Variants in UBA2 observed in about 807,000 individuals in gnomAD.
UBA2 encodes ubiquitin like modifier activating enzyme 2.
In UBA2, 11 loss-of-function variants were observed where a neutral mutation model predicts 77.2. The ratio of observed to expected loss-of-function variants is 0.14; its 90% CI spans 0.09 to 0.24. The LOEUF is 0.24. UBA2 is among the 10% of genes least tolerant of loss of function. The pLI, the probability that UBA2 is intolerant of heterozygous loss-of-function variation, is 1.00. For synonymous variants in UBA2, 278 were observed against 276.7 expected (o/e 1.00, Z -0.05); for missense variants, 487 against 781.7 (o/e 0.62, Z 4.50).
chr19:34,454,610 T>A, intron 12 of UBA2, 54 bp downstream of exon 12: 1 of 886,988 alleles, frequency 1.1e-6, no homozygotes, highest in Non-Finnish European at 1.7e-6. Context: ...AATCATTAAT[T>A]AAAAGTACAT....
intron 12 of UBA2, among the ~76,000 whole-genome samples, chr19:34,456,645 C>T (rs962441342): frequency 6.6e-6 from 1 of 151,832 alleles, no homozygotes; most frequent in African/African-American, 2.4e-5. Flanking sequence ...GCAACCTCCA[C>T]CTCCCAAGTA....
At chr19:34,467,669 G>A (rs188303302) in intron 16 of UBA2, among the ~76,000 whole-genome samples, 3 of 152,198 alleles carry the variant, frequency 2.0e-5, no homozygotes, top group Admixed American at 2.0e-4. Flanking sequence ...CCAGCTACTC[G>A]GGAGGCTGAG....
intron 10 of UBA2, among the ~76,000 whole-genome samples, 181 bp from the exon 11 acceptor site, chr19:34,454,079 C>G (rs914772418): frequency 1.3e-5 from 2 of 152,128 alleles, no homozygotes; most frequent in Non-Finnish European, 2.9e-5. Flanking sequence ...GACCCCACCC[C>G]CTACTTAACC....
chr19:34,444,944 A>G (rs2075412323), intron 7 of UBA2, 56 bp from the exon 8 acceptor site: 8 of 1,548,078 alleles, frequency 5.2e-6, no homozygotes, highest in Admixed American at 4.0e-5. Context: ...GGTGAGTGAA[A>G]AGAGTTCAGT....
intron 2 of UBA2, among the ~76,000 whole-genome samples, chr19:34,431,006 A>G (rs190672484): frequency 3.5e-4 from 54 of 152,242 alleles, no homozygotes; most frequent in African/African-American, 1.2e-3. Flanking sequence ...AGTTGAAACA[A>G]GACAGTTCCC....
chr19:34,450,106 T>C (rs977957090), intron 8 of UBA2, among the ~76,000 whole-genome samples, 159 bp from the exon 9 acceptor site: 1 of 152,232 alleles, frequency 6.6e-6, no homozygotes, highest in Non-Finnish European at 1.5e-5. Context: ...GAACTTCCTT[T>C]TACAAATGTT....
rs148322312 is a variant in UBA2 at position 34,431,896 on chromosome 19, A to G, written c.258A>G (p.Lys86=). The G allele has an allele frequency of 2.5e-3, 3,972 of 1,613,994 alleles. 5 individuals carry two copies. The highest frequency in any genetic ancestry group is 4.7e-3 in the Admixed American group (283 of 60,006). ...AAAGTGTACTGCAGTTTTACCCGAA[A>G]GCTAATATCGTTGCCTACCATGACA... ...AKESVLQFYP[K]ANIVAYHDSI... Residue 86 remains lysine (K), a synonymous_variant, in exon 3 of 17, where the codon AAA becomes AAG. Transcript: ENST00000246548.
chr19:34,436,524 C>G (rs1304119705), intron 5 of UBA2, among the ~76,000 whole-genome samples: 1 of 152,170 alleles, frequency 6.6e-6, no homozygotes, highest in Non-Finnish European at 1.5e-5. Flanking sequence ...GTCTTCAACT[C>G]CTGACCTCAG....
intron 4 of UBA2, 69 bp from the exon 5 acceptor site, chr19:34,434,799 G>T: frequency 8.4e-7 from 1 of 1,187,824 alleles, no homozygotes; most frequent in Non-Finnish European, 1.2e-6. Flanking sequence ...TTTTGAGTCT[G>T]TGTCATCCTA....
At chr19:34,461,482 A>G (rs1249283522) in intron 14 of UBA2, among the ~76,000 whole-genome samples, 1 of 152,218 alleles carries the variant, frequency 6.6e-6, no homozygotes, top group Admixed American at 6.5e-5. Context: ...TGAGTATTCA[A>G]GCCTCATTCT....
intron 5 of UBA2, among the ~76,000 whole-genome samples, chr19:34,436,959 G>C (rs560768311): frequency 6.6e-6 from 1 of 152,182 alleles, no homozygotes; most frequent in Non-Finnish European, 1.5e-5. Flanking sequence ...TTCTCTGTCT[G>C]CATTGCAGTA....
rs146827638 is a variant in UBA2 at position 34,441,047 on chromosome 19, A to G, written c.581+2281A>G. On this transcript the variant is annotated intron_variant, in intron 6 of 16. Coordinates refer to ENST00000246548, the MANE Select transcript of UBA2 (RefSeq NM_005499.3). ...TTAAACTAGAAAATCTGTAAATGTC[A>G]TTCACTCATTAGGAAATTAAAGATA... 8.1e-4 allele frequency among the ~76,000 whole-genome samples: 124 copies of G among 152,264 alleles called. 2 individuals are homozygous for G. The highest frequency in any genetic ancestry group is 5.9e-5 in the Non-Finnish European group (4 of 68,022).
At chr19:34,429,920 A>C (rs1314906394) in intron 1 of UBA2, among the ~76,000 whole-genome samples, 1 of 152,078 alleles carries the variant, frequency 6.6e-6, no homozygotes, top group African/African-American at 2.4e-5. Context: ...GAAATACTTT[A>C]GTATTTTTTG....
At chr19:34,441,465 AAAAT>A (rs139012120) in intron 6 of UBA2, among the ~76,000 whole-genome samples, 16,735 of 151,918 alleles carry the variant, frequency 0.11, 1,304 homozygotes, top group African/African-American at 0.22. Flanking sequence ...AAAAAAATAA[AAAAT>A]AAATAAATAG....
intron 8 of UBA2, among the ~76,000 whole-genome samples, chr19:34,447,575 A>G (rs949827410): frequency 2.6e-5 from 4 of 152,228 alleles, no homozygotes; most frequent in African/African-American, 9.6e-5. Context: ...AGATAATTTT[A>G]AACATCTGCT....
chr19:34,436,982 C>G (rs1269857326), intron 5 of UBA2, among the ~76,000 whole-genome samples: 2 of 152,174 alleles, frequency 1.3e-5, no homozygotes, highest in African/African-American at 4.8e-5. Context: ...AGTCTCATGA[C>G]TGCTTGCCAT....
chr19:34,460,906 C>T (rs995023847), intron 14 of UBA2, among the ~76,000 whole-genome samples: 6 of 152,124 alleles, frequency 3.9e-5, no homozygotes, highest in African/African-American at 1.4e-4. Flanking sequence ...GATTTTTCTC[C>T]AAGAGTGGGG....
intron 14 of UBA2, among the ~76,000 whole-genome samples, chr19:34,462,203 A>C (rs964352721): frequency 2.0e-5 from 3 of 152,216 alleles, no homozygotes; most frequent in Non-Finnish European, 4.4e-5. Context: ...ACAGGGGAGT[A>C]GCAGGGAGCT....
In UBA2 at chr19:34,428,462, G is replaced by A. The variant is rs978980660; in HGVS notation, c.30G>A (p.Glu10=). ...CACTGTCGCGGGGGCTGCCCCGGGA[G>A]CTGGCTGAGGCGGTGGCCGGGGGCC... The part of the protein sequence containing the change: MALSRGLPR[E]LAEAVAGGRV... Residue 10 remains glutamate, a synonymous_variant, in exon 1 of 17, where the codon GAG becomes GAA. Transcript: ENST00000246548. The A allele has an allele frequency of 7.8e-7, 1 of 1,286,188 alleles. No individual in the cohort carries two copies. The highest frequency in any genetic ancestry group is 9.9e-7 in the Non-Finnish European group (1 of 1,011,952). 79.7% of individuals were successfully genotyped at this position (1,286,188 alleles called of 1,614,324 possible).
Sources: allele counts gnomAD v4.1 joint callset (sites outside exome capture counted in the v4.1 genomes callset), GRCh38; gene constraint gnomAD v4.1.1; transcripts MANE v1.5; gene names NCBI Gene and HGNC (gene_info 2026-07-23, HGNC 2026-07-21).